The following MDN1 variants were observed in gnomAD, a reference collection of about 807,000 sequenced individuals.
MDN1 encodes the protein midasin.
In MDN1, 266 loss-of-function variants were observed where a neutral mutation model predicts 669.2. That is an observed-to-expected ratio of 0.40 (90% CI 0.36 to 0.44). The LOEUF (loss-of-function observed/expected upper bound fraction) is 0.44, where lower values mean the gene tolerates loss of function less well. MDN1 is among the 20% of genes least tolerant of loss of function. The pLI is 1.00. For missense variants in MDN1, 5,940 were observed against 6,754.0 expected, an observed-to-expected ratio of 0.88 and a Z score of 4.22; for synonymous variants, 2,385 against 2,457.1, an observed-to-expected ratio of 0.97 and a Z score of 0.87.
intron 43 of MDN1, among the ~76,000 whole-genome samples, chr6:89,718,090 TA>T: frequency 6.6e-6 from 1 of 152,328 alleles, no homozygotes; most frequent in East Asian, 1.9e-4. Flanking sequence ...CCAGTAATAA[TA>T]AAAGTTTTAC....
chr6:89,705,127 T>G (rs1305476353), intron 53 of MDN1, among the ~76,000 whole-genome samples: 1 of 152,210 alleles, frequency 6.6e-6, no homozygotes, highest in Non-Finnish European at 1.5e-5. Context: ...AAGCCAGACA[T>G]ACAGAGACTT....
chr6:89,677,462 C>A, intron 76 of MDN1, 108 bp downstream of exon 76: 1 of 1,383,990 alleles, frequency 7.2e-7, no homozygotes, highest in Middle Eastern at 1.9e-4. Context: ...GTGGTAGCCA[C>A]AGTGGTATTG....
At chr6:89,779,967 G>A (rs995464183) in intron 11 of MDN1, among the ~76,000 whole-genome samples, 2 of 152,032 alleles carry the variant, frequency 1.3e-5, no homozygotes, top group Non-Finnish European at 2.9e-5. Flanking sequence ...TCGGGAGGCT[G>A]AGGCAAGAGA....
At chr6:89,806,522 G>A (rs1768034117) in intron 1 of MDN1, among the ~76,000 whole-genome samples, 1 of 152,156 alleles carries the variant, frequency 6.6e-6, no homozygotes, top group Non-Finnish European at 1.5e-5. Flanking sequence ...TTTGAGACCA[G>A]CCTGACCAAC....
intron 97 of MDN1, 95 bp from the exon 98 acceptor site, chr6:89,648,424 A>G: frequency 1.6e-6 from 2 of 1,244,894 alleles, no homozygotes; most frequent in East Asian, 2.4e-5. Context: ...CAAAGAAAAC[A>G]TTTTTTTGTT....
intron 36 of MDN1, 42 bp from the exon 37 acceptor site, chr6:89,727,997 A>C: frequency 6.4e-7 from 1 of 1,569,932 alleles, no homozygotes; most frequent in Non-Finnish European, 8.6e-7. Context: ...TTATTACTTT[A>C]AAAATCAACT....
chr6:89,748,130 T>G (rs1372717676), intron 26 of MDN1, among the ~76,000 whole-genome samples: 3 of 151,814 alleles, frequency 2.0e-5, no homozygotes, highest in Admixed American at 1.3e-4. Context: ...ATCGAGACCA[T>G]CCTGGTCAAT....
At chr6:89,776,848 G>C (rs45481694) in intron 11 of MDN1, among the ~76,000 whole-genome samples, 153 bp from the exon 12 acceptor site, 5 of 152,000 alleles carry the variant, frequency 3.3e-5, no homozygotes, top group Non-Finnish European at 7.4e-5. Flanking sequence ...TACCAACCCA[G>C]GACTGAGGAC....
At chr6:89,705,913 T>G (rs1257274820) in intron 53 of MDN1, 146 bp downstream of exon 53, 1 of 624,142 alleles carries the variant, frequency 1.6e-6, no homozygotes, top group East Asian at 2.8e-5. Flanking sequence ...AATATGTGTA[T>G]AGGTATATTT....
At chr6:89,699,820 T>TAC in intron 57 of MDN1, 93 bp from the exon 58 acceptor site, 1 of 1,361,066 alleles carries the variant, frequency 7.3e-7, no homozygotes, top group Non-Finnish European at 1.0e-6. Flanking sequence ...ACATAAAACT[T>TAC]ACAGTACATT....
intron 2 of MDN1, among the ~76,000 whole-genome samples, chr6:89,795,976 T>TG (rs1291689213): frequency 6.8e-6 from 1 of 146,474 alleles, no homozygotes; most frequent in African/African-American, 2.5e-5. Flanking sequence ...ACAATAAAGG[T>TG]GGGGGGGACA....
intron 94 of MDN1, 30 bp from the exon 95 acceptor site, chr6:89,652,311 G>C: frequency 6.3e-7 from 1 of 1,589,666 alleles, no homozygotes; most frequent in Non-Finnish European, 8.6e-7. Flanking sequence ...GATAAGAGGT[G>C]GCCCAGGTTG....
chr6:89,735,817 C>T (rs184716106), intron 33 of MDN1, among the ~76,000 whole-genome samples: 12 of 152,138 alleles, frequency 7.9e-5, no homozygotes, highest in African/African-American at 2.2e-4. Context: ...GTCAAGAGAT[C>T]GAGACCATCC....
chr6:89,744,778 G>T (rs1204607374), intron 29 of MDN1, among the ~76,000 whole-genome samples: 1 of 150,408 alleles, frequency 6.6e-6, no homozygotes. Context: ...AGCTACCTGG[G>T]AGGCTGAGCC....
intron 2 of MDN1, among the ~76,000 whole-genome samples, chr6:89,799,869 C>T (rs571123979): frequency 3.3e-5 from 5 of 152,138 alleles, no homozygotes; most frequent in South Asian, 2.1e-4. Flanking sequence ...TTGTAATTTC[C>T]GATGCAGTAA....
At chr6:89,685,747 C>T (rs1023693464) in intron 70 of MDN1, 80 bp downstream of exon 70, 9 of 1,483,096 alleles carry the variant, frequency 6.1e-6, no homozygotes, top group Non-Finnish European at 8.2e-6. Flanking sequence ...TGCAACAAGG[C>T]ACCTGTCTCA....
At chr6:89,781,654 A>C (rs1818680742) in intron 9 of MDN1, 62 bp from the exon 10 acceptor site, 16 of 1,421,372 alleles carry the variant, frequency 1.1e-5, no homozygotes, top group Non-Finnish European at 1.4e-5. Context: ...GAAAGCACAC[A>C]AACTACTGCT....
chr6:89,789,115 C>T (rs910849318), intron 7 of MDN1, among the ~76,000 whole-genome samples: 5 of 137,250 alleles, frequency 3.6e-5, no homozygotes, highest in African/African-American at 1.4e-4. Flanking sequence ...CAGAGCAAGA[C>T]TCTGTCTCAC....
chr6:89,792,008 C>T (rs565934368), intron 5 of MDN1, among the ~76,000 whole-genome samples: 23 of 150,796 alleles, frequency 1.5e-4, no homozygotes, highest in Non-Finnish European at 2.7e-4. Flanking sequence ...GCTGGGACTA[C>T]AGGTGCCTGC....
Sources: gnomAD v4.1 joint callset for allele counts (sites outside exome capture counted in the v4.1 genomes callset) on GRCh38, gnomAD v4.1.1 for gene constraint, MANE v1.5 for transcripts, NCBI Gene and HGNC (gene_info 2026-07-23, HGNC 2026-07-21) for gene names.